Variants in BCR observed in about 807,000 individuals in gnomAD.
BCR encodes BCR activator of RhoGEF and GTPase.
A neutral mutation model predicts 138.6 loss-of-function variants in BCR; 58 were observed. That is an observed-to-expected ratio of 0.42 (90% CI 0.34 to 0.52). The LOEUF is 0.52. Ranked by LOEUF, BCR falls within the 20% of genes least tolerant of loss-of-function variation. BCR has a pLI of 0.06. For synonymous variants in BCR, 786 were observed against 730.1 expected (o/e 1.08, Z -1.23); for missense variants, 1,599 against 1,727.2 (o/e 0.93, Z 1.32).
intron 1 of BCR, among the ~76,000 whole-genome samples, chr22:23,244,342 C>G (rs1358532965): frequency 3.3e-5 from 5 of 152,302 alleles, no homozygotes; most frequent in African/African-American, 1.2e-4. Context: ...AGGTCGCATT[C>G]GCAGATTCTA....
In BCR at chr22:23,198,536, C is replaced by G. The variant is rs529889369; in HGVS notation, c.1279+16297C>G. Among the ~76,000 whole-genome samples, 5 of 152,246 alleles carry G rather than the reference C, an allele frequency of 3.3e-5. No individual in the cohort carries two copies. In the East Asian group the frequency reaches 9.7e-4, roughly 29 times the overall value. On this transcript the variant is annotated intron_variant, in intron 1 of 22. Coordinates refer to ENST00000305877, the MANE Select transcript of BCR (RefSeq NM_004327.4). ...GTAGCTATGCTTTGAAGGCATTTTC[C>G]TGGTGGGAGGCCACCGCAGGTAAGG...
chr22:23,219,650 A>G (rs545760216), intron 1 of BCR, among the ~76,000 whole-genome samples: 1 of 152,236 alleles, frequency 6.6e-6, no homozygotes, highest in Non-Finnish European at 1.5e-5. Flanking sequence ...GCGGTGCGGG[A>G]GCACAGCTCC....
At chr22:23,244,949 G>A (rs1349551973) in intron 1 of BCR, among the ~76,000 whole-genome samples, 1 of 152,170 alleles carries the variant, frequency 6.6e-6, no homozygotes, top group Non-Finnish European at 1.5e-5. Context: ...GTGGGTCCTT[G>A]GAGACAGGGG....
chr22:23,283,597 C>CGGA (rs1231119531), intron 8 of BCR: 1 of 171,064 alleles, frequency 5.8e-6, no homozygotes, highest in Non-Finnish European at 1.2e-5. Flanking sequence ...GAGGCACTGG[C>CGGA]TTCCCTGTTT....
At chr22:23,222,952 A>G (rs956690226) in intron 1 of BCR, among the ~76,000 whole-genome samples, 1 of 152,194 alleles carries the variant, frequency 6.6e-6, no homozygotes, top group Non-Finnish European at 1.5e-5. Flanking sequence ...CAAGGCACCT[A>G]CAGATTACAT....
At chr22:23,229,169 A>T (rs550409373) in intron 1 of BCR, among the ~76,000 whole-genome samples, 1 of 151,450 alleles carries the variant, frequency 6.6e-6, no homozygotes, top group Admixed American at 6.6e-5. Flanking sequence ...GTAATTGTTT[A>T]TTTTTTGGTT....
intron 6 of BCR, 39 bp downstream of exon 6, chr22:23,271,631 AG>A: frequency 6.2e-7 from 1 of 1,601,022 alleles, no homozygotes; most frequent in Non-Finnish European, 8.6e-7. Flanking sequence ...TGCCCTCGTC[AG>A]GGAGGCTGCT....
chr22:23,218,134 C>T (rs558442742), intron 1 of BCR, among the ~76,000 whole-genome samples: 20 of 152,360 alleles, frequency 1.3e-4, no homozygotes, highest in African/African-American at 4.6e-4. Flanking sequence ...CTTGTCATCA[C>T]GATGCCAGTG....
intron 8 of BCR, among the ~76,000 whole-genome samples, chr22:23,282,729 G>C (rs978563884): frequency 1.3e-5 from 2 of 152,210 alleles, no homozygotes; most frequent in Non-Finnish European, 2.9e-5. Context: ...ACCGCCTGCG[G>C]GGAGACACTG....
intron 1 of BCR, among the ~76,000 whole-genome samples, chr22:23,184,486 A>G (rs1176613589): frequency 3.9e-5 from 6 of 152,264 alleles, no homozygotes; most frequent in African/African-American, 1.4e-4. Flanking sequence ...TAATTTTTTT[A>G]GAGCTATTAG....
intron 4 of BCR, chr22:23,263,953 A>G (rs1255007243): frequency 3.4e-5 from 31 of 909,222 alleles, no homozygotes; most frequent in Non-Finnish European, 5.6e-5. Context: ...TGGGACCTCA[A>G]CAGTGGGCAG....
intron 1 of BCR, among the ~76,000 whole-genome samples, chr22:23,234,794 G>A (rs1234291010): frequency 6.9e-6 from 1 of 144,014 alleles, no homozygotes; most frequent in Non-Finnish European, 1.6e-5. Flanking sequence ...CCCTGATGCG[G>A]GGGTGTGTGT....
chr22:23,232,966 C>T (rs1349735853), intron 1 of BCR, among the ~76,000 whole-genome samples: 1 of 152,282 alleles, frequency 6.6e-6, no homozygotes, highest in African/African-American at 2.4e-5. Flanking sequence ...CATTTTTCTG[C>T]GAGGTGGGGG....
intron 16 of BCR, among the ~76,000 whole-genome samples, chr22:23,298,534 C>T (rs1256360308): frequency 8.5e-6 from 1 of 117,382 alleles, no homozygotes; most frequent in Non-Finnish European, 1.7e-5. Context: ...CCCTTCCTTC[C>T]TTCCCTTCCT....
chr22:23,239,609 C>A lies in BCR; in HGVS notation c.1280-14190C>A, dbSNP rs542022361. On this transcript the variant is annotated intron_variant, in intron 1 of 22. Coordinates refer to ENST00000305877, the MANE Select transcript of BCR (RefSeq NM_004327.4). ...TGGTGTCTGAGCTCCACAATGACTTCATTCATGTAATAGTATGTTATGGCT... is the reference window on the plus strand; with the variant it reads ...TGGTGTCTGAGCTCCACAATGACTTAATTCATGTAATAGTATGTTATGGCT... Among the ~76,000 whole-genome samples, 5 of 152,298 alleles carry A rather than the reference C, an allele frequency of 3.3e-5. No individual in the cohort carries two copies. The South Asian group carries it at 1.0e-3, about 32-fold the overall frequency.
chr22:23,263,903 A>G, intron 4 of BCR: 1 of 953,932 alleles, frequency 1.0e-6, no homozygotes, highest in Non-Finnish European at 1.7e-6. Context: ...CTTTTGTGAC[A>G]GGGACGGCTT....
At chr22:23,186,805 C>G (rs999828977) in intron 1 of BCR, among the ~76,000 whole-genome samples, 1 of 152,158 alleles carries the variant, frequency 6.6e-6, no homozygotes, top group Admixed American at 6.5e-5. Flanking sequence ...CTCCCCAGTT[C>G]AAGCTTCAAG....
intron 5 of BCR, among the ~76,000 whole-genome samples, chr22:23,268,927 T>C (rs552168272): frequency 3.9e-4 from 60 of 152,146 alleles, no homozygotes; most frequent in African/African-American, 1.3e-3. Flanking sequence ...CTTGAGAGCA[T>C]TGAGGAAGCA....
At chr22:23,284,245 G>A in intron 9 of BCR, 147 bp downstream of exon 9, 2 of 1,286,368 alleles carry the variant, frequency 1.6e-6, no homozygotes, top group Middle Eastern at 2.3e-4. Flanking sequence ...CCAGGTTAAA[G>A]ATTGTCACTA....
Sources: allele counts gnomAD v4.1 joint callset (sites outside exome capture counted in the v4.1 genomes callset), GRCh38; gene constraint gnomAD v4.1.1; transcripts MANE v1.5; gene names NCBI Gene and HGNC (gene_info 2026-07-23, HGNC 2026-07-21).